Variants in UBXN2A observed in about 807,000 individuals in gnomAD.
UBXN2A encodes the protein UBX domain protein 2A.
UBXN2A carries 28 observed loss-of-function variants against 28.4 expected under a neutral mutation model. That is an observed-to-expected ratio of 0.99 (90% CI 0.73 to 1.35). The LOEUF (loss-of-function observed/expected upper bound fraction) is 1.35. Ranked by LOEUF, UBXN2A falls within the 40% of genes most tolerant of loss-of-function variation. The pLI is 0.00. For synonymous variants in UBXN2A, 97 were observed against 103.6 expected (o/e 0.94, Z 0.39); for missense variants, 253 against 297.9 (o/e 0.85, Z 1.11).
intron 6 of UBXN2A, among the ~76,000 whole-genome samples, chr2:23,991,615 G>A (rs369782152): frequency 1.6e-4 from 24 of 151,540 alleles, no homozygotes; most frequent in East Asian, 3.9e-4. Flanking sequence ...GATCACAGGC[G>A]CCTATCACCA....
intron 6 of UBXN2A, among the ~76,000 whole-genome samples, chr2:23,986,454 A>G (rs1708135108): frequency 6.6e-6 from 1 of 152,180 alleles, no homozygotes. Flanking sequence ...TAAATTAGTC[A>G]TTAGCATTAT....
intron 6 of UBXN2A, among the ~76,000 whole-genome samples, chr2:23,987,555 G>C (rs1708179503): frequency 6.6e-6 from 1 of 152,066 alleles, no homozygotes; most frequent in South Asian, 2.1e-4. Context: ...GAGGTGAGCA[G>C]ATTACGAGGT....
chr2:23,969,909 T>C lies in UBXN2A; in HGVS notation c.42-1367T>C, dbSNP rs143469637. Among the ~76,000 whole-genome samples, 1,414 of 152,346 alleles carry C rather than the reference T, an allele frequency of 9.3e-3. 13 individuals are homozygous for C. The highest frequency in any genetic ancestry group is 0.013 in the Non-Finnish European group (897 of 68,028). On this transcript the variant is annotated intron_variant, in intron 2 of 6. Coordinates refer to ENST00000309033, the MANE Select transcript of UBXN2A (RefSeq NM_181713.4). ...GGAACAAAAATGCAATTGTTCCTGA[T>C]GCATTATCCCCTTTAGTTCAAAAGT... is the stretch of plus-strand genomic sequence containing the variant.
In UBXN2A at chr2:24,002,368, G is replaced by GCACT. The variant is rs1365134642; in HGVS notation, c.*2503_*2506dup. 6.6e-6 allele frequency: 1 copy of GCACT among 152,174 alleles called. No individual in the cohort carries two copies. Among genetic ancestry groups the GCACT allele is most frequent in the Non-Finnish European group, 1.5e-5 (1 of 68,130 alleles). 9.4% of individuals were successfully genotyped at this position (152,174 alleles called of 1,614,324 possible). ...TGCAGTGAGCCGAGATTGCGCCACT[G>GCACT]CACTCTAGCTTAGGCAACAGAGTAA... On this transcript the variant is annotated 3_prime_UTR_variant, in exon 7 of 7. Coordinates refer to ENST00000309033, the MANE Select transcript of UBXN2A (RefSeq NM_181713.4).
intron 2 of UBXN2A, among the ~76,000 whole-genome samples, chr2:23,966,598 G>A (rs10199523): frequency 0.99 from 147,494 of 149,014 alleles, 73,007 homozygotes; most frequent in Non-Finnish European, 1. Flanking sequence ...GACTACAGGC[G>A]CCCGCCACCA....
chr2:23,958,432 CAGAGATAGT>C (rs543102328), intron 2 of UBXN2A, 77 bp downstream of exon 2: 2 of 1,396,904 alleles, frequency 1.4e-6, no homozygotes, highest in Non-Finnish European at 2.0e-6. Flanking sequence ...ATTTCACTTG[CAGAGATAGT>C]AGAGTACGTT....
intron 3 of UBXN2A, among the ~76,000 whole-genome samples, chr2:23,974,303 C>G (rs1355200403): frequency 6.6e-6 from 1 of 151,080 alleles, no homozygotes; most frequent in Non-Finnish European, 1.5e-5. Context: ...AGACTTGAGC[C>G]ACCGTGCCTG....
chr2:23,991,225 C>T (rs1708339985), intron 6 of UBXN2A, among the ~76,000 whole-genome samples: 1 of 152,014 alleles, frequency 6.6e-6, no homozygotes, highest in Non-Finnish European at 1.5e-5. Context: ...TCAATGTTTG[C>T]TTTATATATT....
chr2:23,932,860 T>G (rs895283225), intron 1 of UBXN2A, among the ~76,000 whole-genome samples: 3 of 152,056 alleles, frequency 2.0e-5, no homozygotes, highest in Non-Finnish European at 4.4e-5. Context: ...AATCCCAGAC[T>G]TGGGGAGGCC....
rs956865546 is a variant in UBXN2A, at chr2:24,003,173, T to C, written c.*3306T>C. On this transcript the variant is annotated 3_prime_UTR_variant, in exon 7 of 7. Transcript: ENST00000309033. ...TCTCACGTGATTCTTAAGTATGTGGTGGAAGTACCTTTCTTCAGGAAATTC... is the reference window on the plus strand; with the variant it reads ...TCTCACGTGATTCTTAAGTATGTGGCGGAAGTACCTTTCTTCAGGAAATTC... 4.6e-5 allele frequency: 7 copies of C among 152,204 alleles called. No homozygotes were observed. The highest frequency in any genetic ancestry group is 2.4e-5 in the African/African-American group (1 of 41,450). 9.4% of individuals were successfully genotyped at this position (152,204 alleles called of 1,614,324 possible).
intron 6 of UBXN2A, 52 bp downstream of exon 6, chr2:23,984,883 T>C (rs1708062206): frequency 6.6e-7 from 1 of 1,520,058 alleles, no homozygotes; most frequent in East Asian, 2.5e-5. Context: ...TAAAATTTCA[T>C]TTTTTCTTTT....
At chr2:23,980,230 G>T (rs1279590251) in intron 4 of UBXN2A, among the ~76,000 whole-genome samples, 1 of 151,982 alleles carries the variant, frequency 6.6e-6, no homozygotes, top group Non-Finnish European at 1.5e-5. Flanking sequence ...CACATTTTGG[G>T]CTATTATGAA....
intron 1 of UBXN2A, among the ~76,000 whole-genome samples, chr2:23,956,563 G>A (rs1459209225): frequency 6.6e-6 from 1 of 151,998 alleles, no homozygotes; most frequent in Non-Finnish European, 1.5e-5. Context: ...ATGTTGGCCA[G>A]GCTGGTCTTG....
At position 23,953,614 on chromosome 2, in the gene UBXN2A, G is replaced by A. The variant is rs1215130177; in HGVS notation, c.-14-4687G>A. 7.9e-5 allele frequency among the ~76,000 whole-genome samples: 12 copies of A among 152,080 alleles called. No homozygotes were observed. In the East Asian group the frequency reaches 1.5e-3, roughly 19 times the overall value. ...CGGTTGATTTGTTTAAATCAAAATC[G>A]AAATATGGTCCATACATTGTAATAC... On this transcript the variant is annotated intron_variant, in intron 1 of 6. Transcript: ENST00000309033.
At chr2:23,973,457 G>GCCTC (rs1707510503) in intron 3 of UBXN2A, among the ~76,000 whole-genome samples, 1 of 151,100 alleles carries the variant, frequency 6.6e-6, no homozygotes, top group Non-Finnish European at 1.5e-5. Flanking sequence ...TCCTGCCTCA[G>GCCTC]CCTCCCGAGT....
At chr2:23,943,998 C>T in intron 1 of UBXN2A, 3 of 497,934 alleles carry the variant, frequency 6.0e-6, no homozygotes, top group Non-Finnish European at 7.8e-6. Flanking sequence ...TTCAAACCGT[C>T]CCGTATCTCC....
At chr2:23,939,342 A>G, upstream of UBXN2A, among the ~76,000 whole-genome samples, 1 of 152,082 alleles carries the variant, frequency 6.6e-6, no homozygotes, top group East Asian at 1.9e-4. Flanking sequence ...GGATTGGGGG[A>G]GGCTACAGCA....
At chr2:23,948,102 G>A (rs1474017051) in intron 1 of UBXN2A, among the ~76,000 whole-genome samples, 7 of 151,792 alleles carry the variant, frequency 4.6e-5, no homozygotes, top group South Asian at 2.1e-4. Flanking sequence ...TGATCCGCCC[G>A]CCTCAGCCTC....
intron 3 of UBXN2A, 108 bp downstream of exon 3, chr2:23,971,522 T>C: frequency 8.0e-7 from 1 of 1,247,882 alleles, no homozygotes; most frequent in Non-Finnish European, 1.1e-6. Flanking sequence ...AAGGTCTTTC[T>C]CTGTCACCCA....
Sources: gnomAD v4.1 joint callset for allele counts (sites outside exome capture counted in the v4.1 genomes callset) on GRCh38, gnomAD v4.1.1 for gene constraint, MANE v1.5 for transcripts, NCBI Gene and HGNC (gene_info 2026-07-23, HGNC 2026-07-21) for gene names.